KLHL13: variants seen among roughly 807,000 people sequenced by gnomAD.
KLHL13 encodes the protein kelch like family member 13.
A neutral mutation model predicts 37.1 loss-of-function variants in KLHL13; 10 were observed. The observed-to-expected ratio is 0.27, with a 90% CI of 0.17 to 0.46. The LOEUF is 0.46. Ranked by LOEUF, KLHL13 falls within the 20% of genes least tolerant of loss-of-function variation. The pLI, the probability that KLHL13 is intolerant of heterozygous loss-of-function variation, is 1.00. For missense variants in KLHL13, 360 were observed against 509.3 expected, an observed-to-expected ratio of 0.71 and a Z score of 2.82; for synonymous variants, 163 against 181.2, an observed-to-expected ratio of 0.90 and a Z score of 0.81.
intron 1 of KLHL13, among the ~76,000 whole-genome samples, chrX:118,083,453 T>C (rs2055019249): frequency 1.8e-5 from 2 of 111,889 alleles, no homozygotes; most frequent in Admixed American, 1.9e-4. Context: ...TTAGAGGACA[T>C]TATGCTAAGT....
At chrX:118,074,300 C>G (rs2054905786) in intron 1 of KLHL13, among the ~76,000 whole-genome samples, 1 of 111,890 alleles carries the variant, frequency 8.9e-6, no homozygotes, top group Admixed American at 9.5e-5. Context: ...CATAAGGGTT[C>G]AGAATCTCTT....
intron 1 of KLHL13, among the ~76,000 whole-genome samples, chrX:117,996,875 GC>G (rs2053861076): frequency 9.3e-6 from 1 of 108,023 alleles, no homozygotes; most frequent in Non-Finnish European, 1.9e-5. Flanking sequence ...CATATTATTT[GC>G]CAAAGAAACA....
chrX:117,982,862 A>G (rs1210388208), intron 1 of KLHL13, among the ~76,000 whole-genome samples: 1 of 111,678 alleles, frequency 9.0e-6, no homozygotes, highest in African/African-American at 3.3e-5. Flanking sequence ...TGGCTGCTCA[A>G]CACCAGTTGT....
chrX:117,931,250 T>G (rs1932435820), intron 2 of KLHL13, among the ~76,000 whole-genome samples: 1 of 112,194 alleles, frequency 8.9e-6, no homozygotes, highest in Admixed American at 9.4e-5. Context: ...GGCACCAATC[T>G]TAAAATGAGA....
chrX:118,017,516 G>T (rs2054140066), intron 1 of KLHL13, among the ~76,000 whole-genome samples: 1 of 111,346 alleles, frequency 9.0e-6, no homozygotes, highest in Admixed American at 9.6e-5. Context: ...CAAAAGATGA[G>T]AGTAGCTTGA....
intron 1 of KLHL13, among the ~76,000 whole-genome samples, chrX:118,033,687 G>A (rs1041677751): frequency 6.5e-5 from 7 of 108,067 alleles, no homozygotes; most frequent in African/African-American, 1.4e-4. Flanking sequence ...ATCAACTAAC[G>A]AGCAAAATCA....
rs776511803 is a variant in KLHL13, at chrX:117,910,059, G to C, written c.608C>G (p.Ala203Gly). 3 of 1,187,544 alleles carry C rather than the reference G, an allele frequency of 2.5e-6. No individual in the cohort carries two copies. In the African/African-American group the frequency reaches 5.3e-5, roughly 21 times the overall value. The change falls in exon 5 of 7, where the codon GCC (alanine) becomes GGC (glycine). Residue 203 changes from alanine (A) to glycine (G), a missense_variant. Physicochemically the swap from Ala to Gly is moderately conservative, Grantham distance 60. Transcript: ENST00000262820. ...CACTTCGGTTAGATTGTAGGTGTTG[G>C]CAATCCGTCCAACTTCAACACAGTT...
chrX:117,943,791 G>T (rs893778514), intron 2 of KLHL13, among the ~76,000 whole-genome samples: 4 of 109,475 alleles, frequency 3.7e-5, no homozygotes, highest in African/African-American at 1.3e-4. Flanking sequence ...TAGCTCGGAG[G>T]AGTTTGCTGT....
At chrX:118,109,044 G>C (rs1271837562) in intron 1 of KLHL13, among the ~76,000 whole-genome samples, 1 of 111,809 alleles carries the variant, frequency 8.9e-6, no homozygotes, top group Non-Finnish European at 1.9e-5. Flanking sequence ...TTGAACTCCT[G>C]GGCTCAAGCA....
intron 1 of KLHL13, among the ~76,000 whole-genome samples, chrX:118,026,039 G>A (rs1471042214): frequency 9.0e-6 from 1 of 111,434 alleles, no homozygotes; most frequent in Non-Finnish European, 1.9e-5. Flanking sequence ...GATAAAGGGG[G>A]ACTACTGTAT....
At chrX:118,002,198 G>A (rs1397743597) in intron 1 of KLHL13, among the ~76,000 whole-genome samples, 2 of 111,629 alleles carry the variant, frequency 1.8e-5, no homozygotes, top group Admixed American at 1.9e-4. Flanking sequence ...ATGGCTAGAT[G>A]GGAAGATGTC....
intron 3 of KLHL13, 58 bp from the exon 5 acceptor site, chrX:117,919,775 C>T: frequency 1.1e-6 from 1 of 882,457 alleles, no homozygotes; most frequent in Non-Finnish European, 1.6e-6. Context: ...AAACTCACTT[C>T]TGCTGCTAAT....
chrX:117,920,497 G>C, intron 2 of KLHL13, 127 bp from the exon 4 acceptor site: 1 of 669,118 alleles, frequency 1.5e-6, no homozygotes, highest in Non-Finnish European at 2.2e-6. Context: ...CAGAATATTC[G>C]GGAGAAGAAA....
At chrX:117,927,935 C>T (rs1052049986) in intron 2 of KLHL13, among the ~76,000 whole-genome samples, 2 of 111,477 alleles carry the variant, frequency 1.8e-5, no homozygotes, top group African/African-American at 3.3e-5. Context: ...TATGTTGAAA[C>T]TCATAAAAGT....
intron 1 of KLHL13, among the ~76,000 whole-genome samples, chrX:117,979,144 C>G (rs1056043673): frequency 4.5e-5 from 5 of 111,212 alleles, no homozygotes; most frequent in Non-Finnish European, 9.4e-5. Context: ...GTTGGCCAGG[C>G]TGGTCTTGAA....
At chrX:118,070,084 G>A (rs2054841935) in intron 1 of KLHL13, among the ~76,000 whole-genome samples, 1 of 112,340 alleles carries the variant, frequency 8.9e-6, no homozygotes, top group East Asian at 2.8e-4. Context: ...TGTAGCCTGT[G>A]AGCAACAGGC....
intron 1 of KLHL13, among the ~76,000 whole-genome samples, chrX:118,076,878 TTCTTC>T (rs2054934366): frequency 9.3e-6 from 1 of 108,097 alleles, no homozygotes; most frequent in Non-Finnish European, 1.9e-5. Context: ...CCTCTCTCCT[TTCTTC>T]TCTTCTCCTC....
At chrX:117,904,365 T>G (rs1364638131) in intron 5 of KLHL13, among the ~76,000 whole-genome samples, 2 of 111,144 alleles carry the variant, frequency 1.8e-5, no homozygotes, top group Non-Finnish European at 3.8e-5. Flanking sequence ...TACACGACAC[T>G]CAGATATAGG....
intron 1 of KLHL13, among the ~76,000 whole-genome samples, chrX:117,980,282 C>T (rs1232123174): frequency 1.8e-5 from 2 of 111,287 alleles, no homozygotes; most frequent in African/African-American, 6.5e-5. Flanking sequence ...AAAGACATGC[C>T]AGTTACAGAA....
Sources: gnomAD v4.1 joint callset for allele counts (sites outside exome capture counted in the v4.1 genomes callset) on GRCh38, gnomAD v4.1.1 for gene constraint, MANE v1.5 for transcripts, NCBI Gene and HGNC (gene_info 2026-07-23, HGNC 2026-07-21) for gene names.